The following KRT8 variants were observed in gnomAD, a reference collection of about 807,000 sequenced individuals.
The protein encoded by KRT8 is keratin 8, also known as keratin, type II cytoskeletal 8.
KRT8 carries 24 observed loss-of-function variants against 43.0 expected under a neutral mutation model. That is an observed-to-expected ratio of 0.56 (90% CI 0.40 to 0.78). The LOEUF (loss-of-function observed/expected upper bound fraction) is 0.78. Ranked by LOEUF, KRT8 falls within the 30% of genes least tolerant of loss-of-function variation. The pLI is 0.00. For missense variants in KRT8, 492 were observed against 638.4 expected, an observed-to-expected ratio of 0.77 and a Z score of 2.47; for synonymous variants, 214 against 261.2, an observed-to-expected ratio of 0.82 and a Z score of 1.74.
At position 52,938,548 on chromosome 12, in the gene KRT8, A is replaced by C. The variant is rs185639922; in HGVS notation, c.-47+10908T>G. Among the ~76,000 whole-genome samples, 32 of 152,164 alleles carry C rather than the reference A, an allele frequency of 2.1e-4. No individual in the cohort carries two copies. The East Asian group carries it at 5.4e-3, about 26-fold the overall frequency. ...TCCCAGCATTTTGGGGGGCCGAGGC[A>C]GAAGGATCACCTGAGCCCAATAGTT... On this transcript the variant is annotated intron_variant, in intron 2 of 6. Transcript: ENST00000546826.
chr12:52,942,899 T>C (rs1025088059), intron 2 of KRT8, among the ~76,000 whole-genome samples: 4 of 151,950 alleles, frequency 2.6e-5, no homozygotes, highest in South Asian at 2.1e-4. Context: ...ACGCTTCTGA[T>C]TGGGGAGGAA....
chr12:52,934,570 TA>T (rs1942135705), intron 2 of KRT8, among the ~76,000 whole-genome samples: 1 of 151,834 alleles, frequency 6.6e-6, no homozygotes, highest in South Asian at 2.1e-4. Context: ...AAAATAATAA[TA>T]AACCAAAAGA....
At chr12:52,949,247 G>A (rs1942417465) in intron 2 of KRT8, 2 of 1,611,368 alleles carry the variant, frequency 1.2e-6, no homozygotes, top group Non-Finnish European at 8.5e-7. Flanking sequence ...CCCAGCTACG[G>A]CGCCCGGCCG....
chr12:52,929,043 C>G (rs1440629210), intron 2 of KRT8, among the ~76,000 whole-genome samples: 3 of 152,134 alleles, frequency 2.0e-5, no homozygotes, highest in Admixed American at 6.6e-5. Flanking sequence ...CCTCCTACAT[C>G]CCCAACCCTA....
At chr12:52,935,667 A>T (rs1942159273) in intron 2 of KRT8, among the ~76,000 whole-genome samples, 1 of 150,778 alleles carries the variant, frequency 6.6e-6, no homozygotes, top group African/African-American at 2.4e-5. Context: ...TTTTAGAGAC[A>T]CATTCTTGTT....
intron 2 of KRT8, among the ~76,000 whole-genome samples, chr12:52,913,455 G>C (rs917013055): frequency 2.6e-5 from 4 of 152,196 alleles, no homozygotes; most frequent in African/African-American, 9.7e-5. Flanking sequence ...TTTTCAGGAG[G>C]GCAGAGGTGC....
chr12:52,926,274 A>G, intron 2 of KRT8: 1 of 710,670 alleles, frequency 1.4e-6, no homozygotes, highest in Non-Finnish European at 2.4e-6. Context: ...CCTTCAGAAT[A>G]AAGGTCAAAT....
At chr12:52,928,198 G>A (rs116520191) in intron 2 of KRT8, among the ~76,000 whole-genome samples, 172 of 152,320 alleles carry the variant, frequency 1.1e-3, no homozygotes, top group African/African-American at 4.0e-3. Flanking sequence ...GATGTCTCAG[G>A]CTAAGGAAAA....
chr12:52,904,757 G>C, exon 1 of KRT8: 2 of 1,612,610 alleles, frequency 1.2e-6, no homozygotes, highest in South Asian at 2.2e-5. Flanking sequence ...CCAGGACAAG[G>C]GGGCTCAGCA....
intron 1 of KRT8, chr12:52,949,657 CTT>C (rs1206071174): frequency 2.1e-6 from 3 of 1,414,714 alleles, no homozygotes; most frequent in Non-Finnish European, 3.0e-6. Flanking sequence ...TCCTTTGCCT[CTT>C]TCCGTCATTC....
intron 2 of KRT8, among the ~76,000 whole-genome samples, chr12:52,945,406 G>C (rs77969609): frequency 6.6e-5 from 10 of 152,122 alleles, no homozygotes; most frequent in African/African-American, 2.4e-4. Context: ...TCCCTGTTTT[G>C]TGTATAGACC....
At chr12:52,904,962 T>C (rs1315928015) in exon 1 of KRT8, 1 of 1,610,702 alleles carries the variant, frequency 6.2e-7, no homozygotes, top group Non-Finnish European at 8.5e-7. Context: ...GTAGGACTTC[T>C]GGGTCACCCT....
intron 2 of KRT8, among the ~76,000 whole-genome samples, chr12:52,938,736 G>C (rs1033508306): frequency 2.0e-5 from 3 of 152,170 alleles, no homozygotes; most frequent in South Asian, 2.1e-4. Flanking sequence ...TCTTGTGTCA[G>C]CCTCCCGAGG....
intron 2 of KRT8, among the ~76,000 whole-genome samples, chr12:52,933,636 T>G (rs180867274): frequency 2.5e-4 from 38 of 152,248 alleles, no homozygotes; most frequent in Admixed American, 4.6e-4. Flanking sequence ...ATTTTTTTAT[T>G]TTTTTGAGAC....
At chr12:52,920,765 G>A (rs753649144) in intron 2 of KRT8, among the ~76,000 whole-genome samples, 1 of 152,198 alleles carries the variant, frequency 6.6e-6, no homozygotes, top group Non-Finnish European at 1.5e-5. Context: ...TGCCCAGCCA[G>A]GCACAGTGGC....
intron 2 of KRT8, 32 bp downstream of exon 2, chr12:52,901,832 C>T: frequency 6.7e-7 from 1 of 1,499,752 alleles, no homozygotes; most frequent in Non-Finnish European, 9.3e-7. Flanking sequence ...AGCACGGTGA[C>T]TTCAGTTGGG....
At chr12:52,927,217 A>G (rs1425836255) in intron 2 of KRT8, among the ~76,000 whole-genome samples, 2 of 151,650 alleles carry the variant, frequency 1.3e-5, no homozygotes, top group Non-Finnish European at 2.9e-5. Flanking sequence ...CTTCACCACC[A>G]CTCAGTTTGA....
At position 52,923,940 on chromosome 12, in the gene KRT8, G is replaced by A. The variant is rs80119530; in HGVS notation, c.-46-18913C>T. 2.1e-3 allele frequency among the ~76,000 whole-genome samples: 319 copies of A among 150,472 alleles called. 5 individuals carry two copies. Among genetic ancestry groups the A allele is most frequent in the East Asian group, 0.017 (83 of 4,906 alleles). The stretch of plus-strand genomic sequence containing the variant: ...GCTCGCTGCAACCTCCGCCTCCCGG[G>A]TTCAAGCGATTCTCCTGCCTCAGCC... On this transcript the variant is annotated intron_variant, in intron 2 of 6. Transcript: ENST00000546826.
intron 2 of KRT8, among the ~76,000 whole-genome samples, chr12:52,941,689 T>C (rs1047708324): frequency 3.3e-5 from 5 of 152,010 alleles, no homozygotes; most frequent in African/African-American, 1.2e-4. Context: ...GGTTTCTCCA[T>C]GTTGGTCAGG....
Sources: gnomAD v4.1 joint callset for allele counts (sites outside exome capture counted in the v4.1 genomes callset) on GRCh38, gnomAD v4.1.1 for gene constraint, MANE v1.5 for transcripts, NCBI Gene and HGNC (gene_info 2026-07-23, HGNC 2026-07-21) for gene names.